The following SRP9 variants were observed in gnomAD, a reference collection of about 807,000 sequenced individuals.
SRP9 encodes signal recognition particle 9, also known as signal recognition particle 9 kDa protein.
A neutral mutation model predicts 11.7 loss-of-function variants in SRP9; 2 were observed. The ratio of observed to expected loss-of-function variants is 0.17; its 90% confidence interval spans 0.07 to 0.54. The LOEUF is 0.54. Among genes scored for constraint, SRP9 ranks in the 20% least tolerant of loss-of-function variants. The pLI, the probability that SRP9 is intolerant of heterozygous loss-of-function variation, is 0.94. For synonymous variants in SRP9, 27 were observed against 35.6 expected (o/e 0.76, Z 0.86); for missense variants, 54 against 108.1 (o/e 0.50, Z 2.22).
intron 1 of SRP9, 52 bp from the exon 2 acceptor site, chr1:225,783,248 A>G (rs1416796370): frequency 4.9e-6 from 7 of 1,424,604 alleles, no homozygotes; most frequent in East Asian, 2.3e-5. Flanking sequence ...TAAATTATTT[A>G]TAAGAAATGT....
In SRP9 at chr1:225,782,930, C is replaced by T. The variant is rs1665827899; in HGVS notation, c.73-370C>T. Among the ~76,000 whole-genome samples the T allele has an allele frequency of 2.0e-5, 3 of 152,172 alleles. No individual in the cohort carries two copies. In the South Asian group the frequency reaches 6.2e-4, roughly 32 times the overall value. On this transcript the variant is annotated intron_variant, in intron 1 of 2. Coordinates refer to ENST00000304786, the MANE Select transcript of SRP9 (RefSeq NM_003133.6). Reference sequence around the variant, plus strand: ...GCCATTTCTGCTAAATGTTTTCCTCCCTTTCCTGTCATTCCTCTGTGGCTA... The same window carrying T: ...GCCATTTCTGCTAAATGTTTTCCTCTCTTTCCTGTCATTCCTCTGTGGCTA...
chr1:225,778,780 A>C (rs1665736680), intron 1 of SRP9, among the ~76,000 whole-genome samples: 1 of 152,228 alleles, frequency 6.6e-6, no homozygotes, highest in South Asian at 2.1e-4. Context: ...GAATTATTTG[A>C]AGCATCTTCG....
chr1:225,789,147 A>C lies in SRP9; in HGVS notation c.142-93A>C, dbSNP rs1575955813. On this transcript the variant is annotated intron_variant, in intron 2 of 2. Transcript: ENST00000304786. The stretch of plus-strand genomic sequence containing the variant: ...GAGAATAGAGCAAAACAGTGGTAGG[A>C]AAAACTCTCAAAATTTTACCCAATT... 6 of 1,552,050 alleles carry C rather than the reference A, an allele frequency of 3.9e-6. No homozygotes were observed. In the South Asian group the frequency reaches 5.9e-5, roughly 15 times the overall value.
At chr1:225,778,808 GCTT>G (rs1158356477) in intron 1 of SRP9, among the ~76,000 whole-genome samples, 1 of 152,188 alleles carries the variant, frequency 6.6e-6, no homozygotes, top group African/African-American at 2.4e-5. Context: ...TAAAAGTTCT[GCTT>G]CTTTTTAGAA....
chr1:225,788,930 T>C (rs77581122), intron 2 of SRP9: 7 of 1,410,346 alleles, frequency 5.0e-6, no homozygotes, highest in Admixed American at 5.1e-5. Context: ...GAAGAAAATA[T>C]CTAATTCTAA....
At position 225,777,945 on chromosome 1, in the gene SRP9, C is replaced by G; in HGVS notation, c.5C>G (p.Pro2Arg). 1 of 1,613,966 alleles carries G rather than the reference C, an allele frequency of 6.2e-7. No individual in the cohort carries two copies. The highest frequency in any genetic ancestry group is 8.5e-7 in the Non-Finnish European group (1 of 1,179,854). The change falls in exon 1 of 3, where the codon CCG becomes CGG. Residue 2 changes from proline to arginine, a missense_variant. Transcript: ENST00000304786. ...ACTTTTCCACTCTAGGCCACGATGC[C>G]GCAGTACCAGACCTGGGAGGAGTTC... Reference protein sequence around the residue: MPQYQTWEEFSR... With the variant: MRQYQTWEEFSR...
rs888136607 is a variant in SRP9 at position 225,790,421 on chromosome 1, G to A, written c.*1062G>A. ...AAGTTCCCTTAGCTATATGAATTTT[G>A]GCATGTTTCAGAGAGATCAGTAAAT... is the stretch of plus-strand genomic sequence containing the variant. On this transcript the variant is annotated 3_prime_UTR_variant, in exon 3 of 3. Coordinates refer to ENST00000304786, the MANE Select transcript of SRP9 (RefSeq NM_003133.6). 1.3e-5 allele frequency: 2 copies of A among 152,128 alleles called. No individual in the cohort carries two copies. Among genetic ancestry groups the A allele is most frequent in the Admixed American group, 1.3e-4 (2 of 15,280 alleles). 9.4% of individuals were successfully genotyped at this position (152,128 alleles called of 1,614,324 possible). A position where few individuals can be genotyped will look rare whatever the true frequency, so the allele number is the denominator to read the frequency against.
intron 2 of SRP9, among the ~76,000 whole-genome samples, chr1:225,786,604 T>G (rs1665921371): frequency 6.6e-6 from 1 of 151,962 alleles, no homozygotes; most frequent in African/African-American, 2.4e-5. Flanking sequence ...AAAGGAAGAG[T>G]GAATCGAGAT....
intron 2 of SRP9, among the ~76,000 whole-genome samples, chr1:225,784,964 C>T (rs1665875204): frequency 6.6e-6 from 1 of 152,044 alleles, no homozygotes; most frequent in South Asian, 2.1e-4. Flanking sequence ...TTTTTAGAGA[C>T]AGGATATCGC....
In SRP9 at chr1:225,777,977, G is replaced by A. The variant is rs1665717352; in HGVS notation, c.37G>A (p.Ala13Thr). 6.2e-7 allele frequency: 1 copy of A among 1,614,128 alleles called. No homozygotes were observed. The highest frequency in any genetic ancestry group is 8.5e-7 in the Non-Finnish European group (1 of 1,180,048). The change falls in exon 1 of 3, where the codon GCT (alanine) becomes ACT (threonine). Residue 13 changes from alanine (A) to threonine (T), a missense_variant. Physicochemically the swap from Ala to Thr is moderately conservative, Grantham distance 58 (BLOSUM62 0). Coordinates refer to ENST00000304786, the MANE Select transcript of SRP9 (RefSeq NM_003133.6). ...CCAGACCTGGGAGGAGTTCAGCCGC[G>A]CTGCCGAGAAGCTTTACCTCGCTGA... ...QYQTWEEFSR[A>T]AEKLYLADPM...
intron 2 of SRP9, among the ~76,000 whole-genome samples, chr1:225,785,651 A>G (rs545107182): frequency 4.9e-5 from 7 of 143,726 alleles, no homozygotes; most frequent in African/African-American, 1.8e-4. Flanking sequence ...AAGTGTTGGG[A>G]TTATAGGCGT....
At chr1:225,780,018 A>G (rs945817784) in intron 1 of SRP9, among the ~76,000 whole-genome samples, 1 of 152,102 alleles carries the variant, frequency 6.6e-6, no homozygotes, top group African/African-American at 2.4e-5. Context: ...AAGAAAGAGA[A>G]TATTTCACCT....
chr1:225,785,143 T>C (rs1665879965), intron 2 of SRP9, among the ~76,000 whole-genome samples: 1 of 150,806 alleles, frequency 6.6e-6, no homozygotes, highest in African/African-American at 2.4e-5. Flanking sequence ...CGATCTCTGC[T>C]CACTGCAGCC....
Position 225,778,380 on chromosome 1 carries a change from A to AAG in SRP9, c.72+369_72+370dup, listed in dbSNP as rs202144095. ...ACTTTTCCTGTACCGCCTAGGCGGT[A>AAG]AGGGTACCTCATGTATATAAAACTG... On this transcript the variant is annotated intron_variant, in intron 1 of 2. Transcript: ENST00000304786. 5.7e-3 allele frequency among the ~76,000 whole-genome samples: 876 copies of AAG among 152,356 alleles called. 11 individuals are homozygous for AAG. The highest frequency in any genetic ancestry group is 0.02 in the African/African-American group (834 of 41,594).
rs1665997625 is a variant in SRP9 at position 225,790,086 on chromosome 1, A to G, written c.*727A>G. On this transcript the variant is annotated 3_prime_UTR_variant, in exon 3 of 3. Transcript: ENST00000304786. ...TGCTATAATGTACTGAAACCACCAT[A>G]TTACAGAAATATTTACTACATATTT... is the stretch of plus-strand genomic sequence containing the variant. 2 of 152,190 alleles carry G rather than the reference A, an allele frequency of 1.3e-5. No homozygotes were observed. Among genetic ancestry groups the G allele is most frequent in the Non-Finnish European group, 1.5e-5 (1 of 68,032 alleles). 9.4% of individuals were successfully genotyped at this position (152,190 alleles called of 1,614,324 possible).
Position 225,779,068 on chromosome 1 carries a change from C to T in SRP9, c.72+1056C>T, listed in dbSNP as rs565004766. 7.2e-5 allele frequency among the ~76,000 whole-genome samples: 11 copies of T among 151,758 alleles called. No individual in the cohort carries two copies. The Middle Eastern group carries it at 0.014, about 193-fold the overall frequency. The stretch of plus-strand genomic sequence containing the variant: ...TAGATCCAGTGTATTGTGACTGTAT[C>T]CCTCGGAGAAGAAAGAAAATTAAAA... On this transcript the variant is annotated intron_variant, in intron 1 of 2. Transcript: ENST00000304786.
At chr1:225,786,104 A>G (rs1665904556) in intron 2 of SRP9, among the ~76,000 whole-genome samples, 1 of 152,166 alleles carries the variant, frequency 6.6e-6, no homozygotes, top group Non-Finnish European at 1.5e-5. Flanking sequence ...AGCTCCTTTA[A>G]TGTGCTGTGA....
At chr1:225,785,443 C>T (rs538768593) in intron 2 of SRP9, among the ~76,000 whole-genome samples, 43 of 151,406 alleles carry the variant, frequency 2.8e-4, no homozygotes, top group South Asian at 1.7e-3. Flanking sequence ...AGTGCAGTGG[C>T]GCAATCTCGG....
intron 2 of SRP9, chr1:225,786,809 A>G: frequency 2.4e-6 from 3 of 1,259,870 alleles, no homozygotes; most frequent in African/African-American, 1.6e-5. Context: ...GATTGAGTAC[A>G]TGTATTCTTT....
Sources: gnomAD v4.1 joint callset for allele counts (sites outside exome capture counted in the v4.1 genomes callset) on GRCh38, gnomAD v4.1.1 for gene constraint, MANE v1.5 for transcripts, NCBI Gene and HGNC (gene_info 2026-07-23, HGNC 2026-07-21) for gene names.